The following MYO15A variants were observed in gnomAD, a reference collection of about 807,000 sequenced individuals.
MYO15A encodes the protein unconventional myosin-XV.
MYO15A carries 308 observed loss-of-function variants against 394.6 expected under a neutral mutation model. The ratio of observed to expected loss-of-function variants is 0.78; its 90% CI spans 0.71 to 0.86. The LOEUF (loss-of-function observed/expected upper bound fraction) is 0.86. Among genes scored for constraint, MYO15A ranks in the 40% least tolerant of loss-of-function variants. The pLI is 0.00. For synonymous variants in MYO15A, 1,957 were observed against 2,003.8 expected (o/e 0.98, Z 0.62); for missense variants, 4,606 against 4,799.1 (o/e 0.96, Z 1.19).
At chr17:18,167,832 C>T (rs2046877125) in intron 62 of MYO15A, 109 bp downstream of exon 62, 5 of 1,510,154 alleles carry the variant, frequency 3.3e-6, no homozygotes, top group South Asian at 1.2e-5. Flanking sequence ...AGGCTCCCCT[C>T]TTATACCAGT....
At position 18,132,644 on chromosome 17, in the gene MYO15A, G is replaced by C. The variant is rs547670150; in HGVS notation, c.4320+78G>C. 1 of 1,155,100 alleles carries C rather than the reference G, an allele frequency of 8.7e-7. No individual in the cohort carries two copies. Among genetic ancestry groups the C allele is most frequent in the East Asian group, 2.4e-5 (1 of 42,476 alleles). 71.6% of individuals were successfully genotyped at this position (1,155,100 alleles called of 1,614,324 possible). A position where few individuals can be genotyped will look rare whatever the true frequency, so the allele number is the denominator to read the frequency against. On this transcript the variant is annotated intron_variant, in intron 11 of 65. Transcript: ENST00000647165. This position sits in a 1 kb window ranked among gnomAD's most constrained non-coding sequence, Gnocchi z 4.6. ...CGCCCCTGGCTGGGCCTTGGGAGCC[G>C]AGTTGTGAGTGATGGAGTGTGAAGG...
rs377504192 is a variant in MYO15A at position 18,149,240 on chromosome 17, G to A, written c.6981G>A (p.Ser2327=). 52 of 1,614,016 alleles carry A rather than the reference G, an allele frequency of 3.2e-5. No individual in the cohort carries two copies. The highest frequency in any genetic ancestry group is 2.5e-4 in the African/African-American group (19 of 74,994). ...GGGTGTTTGGGAACAGCTGGGACTC[G>A]GATGAGGACATGTCCACTAGACCCC... is the stretch of plus-strand genomic sequence containing the variant. The part of the protein sequence containing the change: ...PKVVFGNSWD[S]DEDMSTRPQP... Residue 2327 remains serine (S), a synonymous_variant, in exon 34 of 66, where the codon TCG becomes TCA. Transcript: ENST00000647165.
At chr17:18,124,442 T>G in intron 2 of MYO15A, 41 bp from the exon 3 acceptor site, 1 of 1,590,658 alleles carries the variant, frequency 6.3e-7, no homozygotes, top group Non-Finnish European at 8.5e-7. Context: ...GGGAGGGGGG[T>G]GCCCTTCAAC....
Position 18,149,529 on chromosome 17 carries a change from G to A in MYO15A, c.7161G>A (p.Leu2387=), listed in dbSNP as rs1159913067. The A allele has an allele frequency of 7.4e-6, 12 of 1,614,196 alleles. No individual in the cohort carries two copies. The highest frequency in any genetic ancestry group is 6.8e-6 in the Non-Finnish European group (8 of 1,180,030). Residue 2387 remains leucine (L), a synonymous_variant, in exon 35 of 66, where the codon CTG becomes CTA. Transcript: ENST00000647165. The stretch of plus-strand genomic sequence containing the variant: ...AGCCTGCTGTGCCCCACAAGGGGCT[G>A]GACTGCTACCTGGATAGCCTCTTTG... The part of the protein sequence containing the change: ...LGEPAVPHKG[L]DCYLDSLFDP...
At chr17:18,164,002 C>G in intron 60 of MYO15A, 164 bp downstream of exon 60, 1 of 717,904 alleles carries the variant, frequency 1.4e-6, no homozygotes, top group African/African-American at 1.7e-5. Flanking sequence ...CAAGCACGCC[C>G]AGCCCTTTAT....
chr17:18,134,573 C>T (rs1419108041), intron 12 of MYO15A, among the ~76,000 whole-genome samples: 1 of 152,192 alleles, frequency 6.6e-6, no homozygotes, highest in African/African-American at 2.4e-5. Flanking sequence ...TTGTCCTAAT[C>T]TCTTGATTTG....
chr17:18,136,443 G>A lies in MYO15A; in HGVS notation c.4623G>A (p.Thr1541=), dbSNP rs926074. ...AGACAATGCGAGAGAAGATCTTCAC[G>A]CCCCTAACTGTGGAGAGCGCTGTGG... The part of the protein sequence containing the change: ...VTETMREKIF[T]PLTVESAVDA... The change falls in exon 14 of 66, where the codon ACG becomes ACA. Residue 1541 remains threonine (T), a synonymous_variant. Transcript: ENST00000647165. The A allele has an allele frequency of 2.9e-4, 471 of 1,613,780 alleles. 1 individual carries two copies. The African/African-American group carries it at 5.2e-3, about 18-fold the overall frequency.
In MYO15A at chr17:18,131,501, C is replaced by A. The variant is rs1199192203; in HGVS notation, c.4176C>A (p.Tyr1392Ter). ...GVISGAITSQ[Y>*]LLEKSRIVFQ... ...TCTCTGGTGCCATAACCTCCCAGTA[C>A]CTGCTTGAGAAATCCAGGATCGTGT... Residue 1392 changes from tyrosine to a stop codon, truncating the protein, a stop_gained, in exon 10 of 66, where the codon TAC (tyrosine) becomes TAA (stop). Transcript: ENST00000647165. LOFTEE classifies it high-confidence loss of function. The A allele has an allele frequency of 2.5e-6, 4 of 1,614,002 alleles. 1 individual carries two copies. The highest frequency in any genetic ancestry group is 1.6e-4 in the Middle Eastern group (1 of 6,062).
chr17:18,159,068 G>C, intron 53 of MYO15A, 71 bp downstream of exon 53: 11 of 1,517,152 alleles, frequency 7.3e-6, no homozygotes, highest in Non-Finnish European at 9.9e-6. Flanking sequence ...CAGGCCCCTG[G>C]GGCCAACAAA....
At position 18,119,515 on chromosome 17, in the gene MYO15A, C is replaced by CA. The variant is rs1404742670; in HGVS notation, c.716dup (p.His239GlnfsTer62). 6.2e-7 allele frequency: 1 copy of CA among 1,611,628 alleles called. No homozygotes were observed. Among genetic ancestry groups the CA allele is most frequent in the East Asian group, 2.2e-5 (1 of 44,870 alleles). ...GGACCTGGGCGAGTATTATGACTATCACCGCGACGGCGACGACTACTACGA... is the reference window on the plus strand; with the variant it reads ...GGACCTGGGCGAGTATTATGACTATCAACCGCGACGGCGACGACTACTACGA... On this transcript the variant is annotated frameshift_variant, in exon 2 of 66. Transcript: ENST00000647165. LOFTEE classifies it high-confidence loss of function.
chr17:18,156,828 C>T, intron 48 of MYO15A, 126 bp from the exon 49 acceptor site: 2 of 860,398 alleles, frequency 2.3e-6, no homozygotes, highest in South Asian at 1.4e-5. Flanking sequence ...GCCCTTCCCT[C>T]TTCTCACCTA....
intron 30 of MYO15A, 99 bp downstream of exon 30, chr17:18,146,206 T>C (rs1364300771): frequency 7.9e-7 from 1 of 1,267,094 alleles, no homozygotes; most frequent in Non-Finnish European, 1.1e-6. Flanking sequence ...GTCAGATCTC[T>C]ATGCTGGGAA....
intron 16 of MYO15A, chr17:18,137,913 C>A: frequency 1.2e-6 from 1 of 864,036 alleles, no homozygotes; most frequent in Non-Finnish European, 1.8e-6. Flanking sequence ...TTCTTCTCCT[C>A]TACTGGGCTG....
intron 12 of MYO15A, among the ~76,000 whole-genome samples, 170 bp from the exon 13 acceptor site, chr17:18,135,541 A>G (rs1181190958): frequency 6.6e-6 from 1 of 151,564 alleles, no homozygotes; most frequent in Non-Finnish European, 1.5e-5. Flanking sequence ...GGGTTTCTCC[A>G]TGTTGGTCAG....
chr17:18,175,800 C>G (rs2047006950), intron 65 of MYO15A, among the ~76,000 whole-genome samples: 2 of 152,212 alleles, frequency 1.3e-5, no homozygotes, highest in South Asian at 4.1e-4. Context: ...CCCAGGCACT[C>G]AGGCCCCAAA....
At chr17:18,168,824 G>A (rs1050918091) in intron 62 of MYO15A, among the ~76,000 whole-genome samples, 12 of 151,938 alleles carry the variant, frequency 7.9e-5, no homozygotes, top group Admixed American at 3.3e-4. Flanking sequence ...GACCTTGGCC[G>A]GGCACCGTGG....
chr17:18,157,901 G>A lies in MYO15A; in HGVS notation c.8967+1G>A. On this transcript the variant is annotated splice_donor_variant, in intron 51 of 65. Coordinates refer to ENST00000647165, the MANE Select transcript of MYO15A (RefSeq NM_016239.4). LOFTEE classifies it high-confidence loss of function. ...ACAGGAGGTGGGCCGCAGGAGAGAG[G>A]TGAGACCAGTGTGGGTGGGGTGGGG... The A allele has an allele frequency of 9.1e-7, 1 of 1,093,908 alleles. No homozygotes were observed. Among genetic ancestry groups the A allele is most frequent in the Non-Finnish European group, 1.2e-6 (1 of 832,588 alleles). 67.8% of individuals were successfully genotyped at this position (1,093,908 alleles called of 1,614,324 possible). A position where few individuals can be genotyped will look rare whatever the true frequency, so the allele number is the denominator to read the frequency against.
At position 18,167,898 on chromosome 17, in the gene MYO15A, C is replaced by T. The variant is rs854797; in HGVS notation, c.10082+175C>T. ...TGGGGGCTGAAGTCTTCCAACTAGC[C>T]ACAGGAGCTGGGACCCCGCCTCTCT... On this transcript the variant is annotated intron_variant, in intron 62 of 65. Transcript: ENST00000647165. Among the ~76,000 whole-genome samples the T allele has an allele frequency of 0.33, 50,850 of 152,120 alleles. 9,311 individuals are homozygous for T. Among genetic ancestry groups the T allele is most frequent in the Non-Finnish European group, 0.42 (28,392 of 67,956 alleles).
intron 44 of MYO15A, 108 bp downstream of exon 44, chr17:18,154,298 T>G (rs2046636781): frequency 7.5e-7 from 1 of 1,324,522 alleles, no homozygotes; most frequent in Non-Finnish European, 1.1e-6. Flanking sequence ...TTTGGGGTCC[T>G]TGACAGGGGT....
Sources: gnomAD v4.1 joint callset for allele counts (sites outside exome capture counted in the v4.1 genomes callset) on GRCh38, gnomAD v4.1.1 for gene constraint, Gnocchi (gnomAD v3.1) non-coding constraint, MANE v1.5 for transcripts, NCBI Gene and HGNC (gene_info 2026-07-23, HGNC 2026-07-21) for gene names.